Variants in MYO1B observed in about 807,000 individuals in gnomAD.
MYO1B encodes unconventional myosin-Ib.
Under a neutral mutation model 159.7 loss-of-function variants are expected in MYO1B, and 72 were observed. The observed-to-expected ratio is 0.45, with a 90% confidence interval of 0.37 to 0.55. MYO1B has a LOEUF of 0.55. MYO1B is among the 20% of genes least tolerant of loss of function. The pLI is 0.00. For synonymous variants in MYO1B, 468 were observed against 473.8 expected (o/e 0.99, Z 0.16); for missense variants, 1,062 against 1,364.8 (o/e 0.78, Z 3.50).
chr2:191,268,133 G>A (rs374337538), intron 1 of MYO1B, among the ~76,000 whole-genome samples: 19 of 152,138 alleles, frequency 1.2e-4, no homozygotes, highest in Non-Finnish European at 2.5e-4. Context: ...TGGTCTGATT[G>A]AGCTGCTGTA....
intron 18 of MYO1B, 28 bp from the exon 19 acceptor site, chr2:191,392,080 C>G (rs774690946): frequency 6.5e-7 from 1 of 1,540,786 alleles, no homozygotes; most frequent in Non-Finnish European, 8.9e-7. Context: ...ACTCAGAAAA[C>G]TCACTGTTTT....
At chr2:191,306,482 G>C (rs1364266274) in intron 3 of MYO1B, among the ~76,000 whole-genome samples, 1 of 152,180 alleles carries the variant, frequency 6.6e-6, no homozygotes, top group African/African-American at 2.4e-5. Context: ...AAGCAGGTAG[G>C]AGGAGAGAGA....
chr2:191,385,616 A>T (rs34785192), intron 15 of MYO1B, among the ~76,000 whole-genome samples: 124,415 of 152,084 alleles, frequency 0.82, 54,650 homozygotes, highest in Non-Finnish European at 0.98. Context: ...TGTCTGAGGC[A>T]ACTCCCAGGT....
Position 191,393,106 on chromosome 2 carries a change from C to T in MYO1B, c.2110C>T (p.Leu704=), listed in dbSNP as rs1281082606. The change falls in exon 20 of 31, where the codon CTG becomes TTG. Residue 704 remains leucine (L), a synonymous_variant. Transcript: ENST00000392318. ...ATTAGAAGACCTGAGGAAGCAACGC[C>T]TGGAGGACTTGGCCACTCTCATTCA... is the stretch of plus-strand genomic sequence containing the variant. The part of the protein sequence containing the change: ...FKLEDLRKQR[L]EDLATLIQKI... 1.2e-6 allele frequency: 2 copies of T among 1,613,828 alleles called. No homozygotes were observed. Among genetic ancestry groups the T allele is most frequent in the South Asian group, 1.1e-5 (1 of 91,050 alleles).
intron 17 of MYO1B, among the ~76,000 whole-genome samples, chr2:191,389,591 A>G (rs1241711199): frequency 6.6e-6 from 1 of 152,154 alleles, no homozygotes; most frequent in Non-Finnish European, 1.5e-5. Context: ...GGCTGCAGAC[A>G]TTACTTCCCC....
chr2:191,409,510 A>T (rs111921717), intron 26 of MYO1B, among the ~76,000 whole-genome samples: 1 of 152,242 alleles, frequency 6.6e-6, no homozygotes, highest in African/African-American at 2.4e-5. Context: ...ACTGTAGGAC[A>T]GAGAAATCAT....
At chr2:191,281,684 G>A (rs548965828) in intron 2 of MYO1B, among the ~76,000 whole-genome samples, 5 of 152,284 alleles carry the variant, frequency 3.3e-5, no homozygotes, top group Admixed American at 3.3e-4. Context: ...TCAGGACTGT[G>A]GTTCTATTCA....
At chr2:191,246,736 T>TG (rs1290153212) in intron 1 of MYO1B, among the ~76,000 whole-genome samples, 3 of 152,196 alleles carry the variant, frequency 2.0e-5, no homozygotes, top group African/African-American at 7.2e-5. Flanking sequence ...TACAACAGTT[T>TG]TCCAGGACTG....
chr2:191,340,732 G>GTT (rs11437712), intron 4 of MYO1B, among the ~76,000 whole-genome samples: 14 of 146,372 alleles, frequency 9.6e-5, no homozygotes, highest in African/African-American at 3.2e-4. Flanking sequence ...GGTTTTTGGT[G>GTT]TTTTTTTTTT....
chr2:191,394,783 T>C (rs1002206287), intron 20 of MYO1B, among the ~76,000 whole-genome samples: 2 of 152,198 alleles, frequency 1.3e-5, no homozygotes, highest in Non-Finnish European at 2.9e-5. Context: ...ATATAAAGCT[T>C]TTATATCATC....
At position 191,285,211 on chromosome 2, in the gene MYO1B, G is replaced by C. The variant is rs115382233; in HGVS notation, c.135+8181G>C. Among the ~76,000 whole-genome samples the C allele has an allele frequency of 6.9e-3, 1,053 of 152,314 alleles. 14 individuals carry two copies. Among genetic ancestry groups the C allele is most frequent in the African/African-American group, 0.024 (994 of 41,572 alleles). ...TGGAAAATACTTGTCTCGTGACACA[G>C]TTTGTCTCAACGAAGATATGGCAGT... On this transcript the variant is annotated intron_variant, in intron 2 of 30. Transcript: ENST00000392318.
chr2:191,249,768 A>G (rs1166526569), intron 1 of MYO1B, among the ~76,000 whole-genome samples: 1 of 152,208 alleles, frequency 6.6e-6, no homozygotes, highest in African/African-American at 2.4e-5. Flanking sequence ...CTAGGACACC[A>G]TTTGGGGTCT....
intron 24 of MYO1B, among the ~76,000 whole-genome samples, chr2:191,405,740 G>A (rs1696877807): frequency 6.6e-6 from 1 of 152,220 alleles, no homozygotes; most frequent in South Asian, 2.1e-4. Context: ...GCTTAAGATA[G>A]TCAGTAAACC....
intron 2 of MYO1B, among the ~76,000 whole-genome samples, chr2:191,287,249 C>T (rs936227571): frequency 6.6e-6 from 1 of 152,020 alleles, no homozygotes; most frequent in Non-Finnish European, 1.5e-5. Flanking sequence ...AAACTCAGGC[C>T]AGGCGCGGTG....
chr2:191,415,589 T>G (rs187795735), intron 29 of MYO1B, among the ~76,000 whole-genome samples: 225 of 151,098 alleles, frequency 1.5e-3, no homozygotes, highest in Middle Eastern at 0.01. Flanking sequence ...CATGTTTTTT[T>G]TTTTGTTTTG....
chr2:191,414,041 C>T lies in MYO1B; in HGVS notation c.2874-7C>T, dbSNP rs1211075620. 2.5e-6 allele frequency: 4 copies of T among 1,583,594 alleles called. No individual in the cohort carries two copies. The highest frequency in any genetic ancestry group is 1.9e-5 in the Admixed American group (1 of 53,546). ...ATTTCTAATGTGCAGGAATTTTTTT[C>T]CTTTAGTGTTGGGCAACCATTCCAA... On this transcript the variant is annotated splice_polypyrimidine_tract_variant and splice_region_variant and intron_variant, in intron 27 of 30. Transcript: ENST00000392318.
At chr2:191,398,636 C>T (rs772950094) in intron 21 of MYO1B, among the ~76,000 whole-genome samples, 63 of 151,566 alleles carry the variant, frequency 4.2e-4, no homozygotes, top group Non-Finnish European at 8.1e-4. Flanking sequence ...GACAGGGCGG[C>T]GGGGCAGAGG....
At chr2:191,347,746 A>G (rs981345321) in intron 6 of MYO1B, among the ~76,000 whole-genome samples, 5 of 152,168 alleles carry the variant, frequency 3.3e-5, no homozygotes, top group African/African-American at 1.2e-4. Flanking sequence ...GTGGTCTGTG[A>G]CTTGACTAGT....
At chr2:191,356,238 G>A (rs924044549) in intron 7 of MYO1B, among the ~76,000 whole-genome samples, 6 of 151,640 alleles carry the variant, frequency 4.0e-5, no homozygotes, top group African/African-American at 9.7e-5. Context: ...GTGGATATTC[G>A]TTAATAAAGT....
Sources: gnomAD v4.1 joint callset for allele counts (sites outside exome capture counted in the v4.1 genomes callset) on GRCh38, gnomAD v4.1.1 for gene constraint, MANE v1.5 for transcripts, NCBI Gene and HGNC (gene_info 2026-07-23, HGNC 2026-07-21) for gene names.